The following ENAH variants were observed in gnomAD, a reference collection of about 807,000 sequenced individuals.
ENAH encodes protein enabled homolog.
A neutral mutation model predicts 78.7 loss-of-function variants in ENAH; 23 were observed. The ratio of observed to expected loss-of-function variants is 0.29; its 90% CI spans 0.21 to 0.41. The LOEUF is 0.41. Among genes scored for constraint, ENAH ranks in the 10% least tolerant of loss-of-function variants. The pLI is 1.00. For missense variants in ENAH, 544 were observed against 691.0 expected (o/e 0.79, Z 2.39); for synonymous variants, 226 against 241.0 (o/e 0.94, Z 0.58).
intron 2 of ENAH, among the ~76,000 whole-genome samples, chr1:225,563,300 G>T (rs570405221): frequency 6.6e-6 from 1 of 152,092 alleles, no homozygotes; most frequent in South Asian, 2.1e-4. Flanking sequence ...GTATGGCTAG[G>T]TTATCTAGTA....
intron 9 of ENAH, 34 bp downstream of exon 9, chr1:225,512,623 T>A (rs2096386153): frequency 6.3e-7 from 1 of 1,585,942 alleles, no homozygotes; most frequent in African/African-American, 1.4e-5. Context: ...AATTCCATAT[T>A]TTAAGGTATG....
At chr1:225,607,514 G>A (rs1203038473) in intron 1 of ENAH, among the ~76,000 whole-genome samples, 22 of 112,228 alleles carry the variant, frequency 2.0e-4, no homozygotes, top group South Asian at 9.2e-4. Flanking sequence ...AGGGTGGGGG[G>A]CAAAAAAAAA....
chr1:225,634,211 C>G (rs1054203896), intron 1 of ENAH, among the ~76,000 whole-genome samples: 3 of 152,134 alleles, frequency 2.0e-5, no homozygotes, highest in Non-Finnish European at 2.9e-5. Flanking sequence ...AGCAACCAAA[C>G]AGATATGTGC....
At chr1:225,652,528 G>T (rs745463877) in intron 1 of ENAH, 158 bp downstream of exon 1, 19 of 826,446 alleles carry the variant, frequency 2.3e-5, no homozygotes, top group Middle Eastern at 6.1e-4. Context: ...GAAAGAAAGA[G>T]AAATTGGAAG....
chr1:225,536,937 T>C (rs971375588), intron 3 of ENAH, among the ~76,000 whole-genome samples: 1 of 152,142 alleles, frequency 6.6e-6, no homozygotes, highest in African/African-American at 2.4e-5. Flanking sequence ...ATAAAATGTC[T>C]ACCAAGCTAA....
chr1:225,494,213 A>G lies in ENAH; in HGVS notation c.*3562T>C, dbSNP rs1476446509. On this transcript the variant is annotated 3_prime_UTR_variant, in exon 14 of 14. Coordinates refer to ENST00000366843, the MANE Select transcript of ENAH (RefSeq NM_018212.6). ...GGGAAAATTTGGGTCTGGTCAAAGAAAAAATACAAGGATTGTATTTTTGTA... is the reference window on the plus strand; with the variant it reads ...GGGAAAATTTGGGTCTGGTCAAAGAGAAAATACAAGGATTGTATTTTTGTA... 6.6e-6 allele frequency: 1 copy of G among 152,034 alleles called. No homozygotes were observed. Among genetic ancestry groups the G allele is most frequent in the East Asian group, 1.9e-4 (1 of 5,202 alleles). 9.4% of individuals were successfully genotyped at this position (152,034 alleles called of 1,614,324 possible). A position where few individuals can be genotyped will look rare whatever the true frequency, so the allele number is the denominator to read the frequency against.
At chr1:225,553,100 G>A (rs1016688461) in intron 3 of ENAH, among the ~76,000 whole-genome samples, 2 of 152,098 alleles carry the variant, frequency 1.3e-5, no homozygotes, top group Non-Finnish European at 2.9e-5. Context: ...TGGGTGTGGT[G>A]GTGAGCACCG....
At chr1:225,519,135 C>A in intron 5 of ENAH, 63 bp downstream of exon 5, 1 of 1,566,416 alleles carries the variant, frequency 6.4e-7, no homozygotes, top group Non-Finnish European at 8.7e-7. Flanking sequence ...TAACACATGA[C>A]TGCACAAGAG....
At chr1:225,620,086 AAC>A (rs1656529850) in intron 1 of ENAH, among the ~76,000 whole-genome samples, 1 of 152,086 alleles carries the variant, frequency 6.6e-6, no homozygotes, top group Non-Finnish European at 1.5e-5. Context: ...CCCTCATTAT[AAC>A]ACAGTTCCCA....
chr1:225,561,287 G>C (rs926425575), intron 2 of ENAH, among the ~76,000 whole-genome samples: 1 of 151,554 alleles, frequency 6.6e-6, no homozygotes, highest in Non-Finnish European at 1.5e-5. Flanking sequence ...TCTAACCATT[G>C]AGGATAGACA....
chr1:225,544,421 C>T (rs1383179231), intron 3 of ENAH, among the ~76,000 whole-genome samples: 2 of 152,134 alleles, frequency 1.3e-5, no homozygotes, highest in East Asian at 1.9e-4. Flanking sequence ...GCTGGACATG[C>T]ATCAGACAAT....
Position 225,487,740 on chromosome 1 carries a change from A to G in ENAH, c.*10035T>C, listed in dbSNP as rs2096205929. 1 of 152,262 alleles carries G rather than the reference A, an allele frequency of 6.6e-6. No homozygotes were observed. The highest frequency in any genetic ancestry group is 1.5e-5 in the Non-Finnish European group (1 of 68,044). 9.4% of individuals were successfully genotyped at this position (152,262 alleles called of 1,614,324 possible). A position where few individuals can be genotyped will look rare whatever the true frequency, so the allele number is the denominator to read the frequency against. ...TTGTTAGCAAAGAAAATAGCTCTGC[A>G]TAATCTTTTGACATACATGCACACT... On this transcript the variant is annotated 3_prime_UTR_variant, in exon 14 of 14. Coordinates refer to ENST00000366843, the MANE Select transcript of ENAH (RefSeq NM_018212.6).
intron 2 of ENAH, among the ~76,000 whole-genome samples, chr1:225,560,454 G>A (rs2096696778): frequency 6.6e-6 from 1 of 151,754 alleles, no homozygotes; most frequent in Non-Finnish European, 1.5e-5. Flanking sequence ...TCATGCCAGT[G>A]CACTGCAGCC....
intron 1 of ENAH, among the ~76,000 whole-genome samples, chr1:225,629,616 A>G (rs982257782): frequency 4.6e-5 from 7 of 151,760 alleles, no homozygotes; most frequent in Admixed American, 1.3e-4. Flanking sequence ...GAAGGTGGGG[A>G]AAAAAAATCA....
In ENAH at chr1:225,517,473, T is replaced by C. The variant is rs1194674176; in HGVS notation, c.803-167A>G. 3.9e-6 allele frequency: 6 copies of C among 1,551,568 alleles called. No individual in the cohort carries two copies. The Admixed American group carries it at 7.8e-5, about 20-fold the overall frequency. The stretch of plus-strand genomic sequence containing the variant: ...GCCCTGAGGTAGGCGGTGGAGACAC[T>C]GGATATGTTACAGAGTCAACCAGCC... On this transcript the variant is annotated intron_variant, in intron 5 of 13. Transcript: ENST00000366843.
Position 225,502,306 on chromosome 1 carries a change from G to A in ENAH, c.1539-1236C>T, listed in dbSNP as rs192554270. Among the ~76,000 whole-genome samples the A allele has an allele frequency of 5.0e-4, 76 of 152,178 alleles. No individual in the cohort carries two copies. In the East Asian group the frequency reaches 9.8e-3, roughly 20 times the overall value. The stretch of plus-strand genomic sequence containing the variant: ...GGCTCACTGCAACCTCCGCCTCCCC[G>A]GTTCAAGTGATTTTCCTGCCTCAGC... On this transcript the variant is annotated intron_variant, in intron 11 of 13. Transcript: ENST00000366843.
intron 3 of ENAH, among the ~76,000 whole-genome samples, chr1:225,539,468 CTG>C (rs2096578711): frequency 6.6e-6 from 1 of 152,152 alleles, no homozygotes; most frequent in Non-Finnish European, 1.5e-5. Context: ...AGCTCAAAAA[CTG>C]AGAGACCACC....
At chr1:225,511,564 A>G (rs1487189875) in intron 10 of ENAH, among the ~76,000 whole-genome samples, 1 of 152,216 alleles carries the variant, frequency 6.6e-6, no homozygotes, top group Non-Finnish European at 1.5e-5. Context: ...TAGAAAAACA[A>G]TTATGAAAAA....
At chr1:225,550,554 T>A (rs539898783) in intron 3 of ENAH, among the ~76,000 whole-genome samples, 1 of 152,334 alleles carries the variant, frequency 6.6e-6, no homozygotes, top group Non-Finnish European at 1.5e-5. Context: ...GAGATTTTTT[T>A]AATCCTATTA....
Sources: gnomAD v4.1 joint callset for allele counts (sites outside exome capture counted in the v4.1 genomes callset) on GRCh38, gnomAD v4.1.1 for gene constraint, MANE v1.5 for transcripts, NCBI Gene and HGNC (gene_info 2026-07-23, HGNC 2026-07-21) for gene names.